GPM6A: variants seen among roughly 807,000 people sequenced by gnomAD.
GPM6A encodes the protein glycoprotein M6A.
Under a neutral mutation model 32.1 loss-of-function variants are expected in GPM6A, and 7 were observed. That is an observed-to-expected ratio of 0.22 (90% CI 0.12 to 0.41). The LOEUF is 0.41. Ranked by LOEUF, GPM6A falls within the 10% of genes least tolerant of loss-of-function variation. The pLI is 1.00. For missense variants in GPM6A, 235 were observed against 347.2 expected (o/e 0.68, Z 2.57); for synonymous variants, 130 against 123.4 (o/e 1.05, Z -0.35).
At chr4:175,708,006 C>T (rs1437802065) in intron 1 of GPM6A, among the ~76,000 whole-genome samples, 1 of 152,104 alleles carries the variant, frequency 6.6e-6, no homozygotes, top group Non-Finnish European at 1.5e-5. Context: ...ATTTGTCATG[C>T]TAACTTTGTT....
chr4:175,694,400 T>C (rs762676410), intron 2 of GPM6A, among the ~76,000 whole-genome samples: 1 of 152,170 alleles, frequency 6.6e-6, no homozygotes, highest in Non-Finnish European at 1.5e-5. Flanking sequence ...TTATGTACAG[T>C]GAAGTCTAGG....
intron 1 of GPM6A, among the ~76,000 whole-genome samples, chr4:175,827,832 C>T (rs868596749): frequency 3.3e-5 from 5 of 152,110 alleles, no homozygotes; most frequent in South Asian, 4.1e-4. Flanking sequence ...AAATGCATTC[C>T]GCACAAATTT....
At chr4:175,938,047 T>C (rs1191506912) in intron 1 of GPM6A, among the ~76,000 whole-genome samples, 1 of 152,180 alleles carries the variant, frequency 6.6e-6, no homozygotes, top group Non-Finnish European at 1.5e-5. Flanking sequence ...TAACTTTCTA[T>C]ATCTTAGGCT....
intron 1 of GPM6A, among the ~76,000 whole-genome samples, chr4:175,756,620 T>C (rs1732537147): frequency 6.6e-6 from 1 of 152,100 alleles, no homozygotes; most frequent in African/African-American, 2.4e-5. Context: ...GAGCTGTCAC[T>C]GGGACGTAAA....
At chr4:175,869,423 A>G (rs1244772104) in intron 1 of GPM6A, among the ~76,000 whole-genome samples, 1 of 152,160 alleles carries the variant, frequency 6.6e-6, no homozygotes, top group Admixed American at 6.5e-5. Context: ...GAAGTAAGTT[A>G]ATCACTTACA....
chr4:175,847,057 A>G (rs1736113960), intron 1 of GPM6A, among the ~76,000 whole-genome samples: 1 of 152,178 alleles, frequency 6.6e-6, no homozygotes, highest in Non-Finnish European at 1.5e-5. Flanking sequence ...CATATAGAAA[A>G]AGAAGTAATG....
chr4:176,000,827 A>G (rs1741453152), intron 1 of GPM6A, among the ~76,000 whole-genome samples: 1 of 152,166 alleles, frequency 6.6e-6, no homozygotes, highest in African/African-American at 2.4e-5. Flanking sequence ...CTTAACAACC[A>G]AATAAAAAAA....
intron 6 of GPM6A, among the ~76,000 whole-genome samples, chr4:175,635,330 G>A (rs1203964198): frequency 6.6e-6 from 1 of 151,964 alleles, no homozygotes. Flanking sequence ...AGTCTTTATA[G>A]GATGTTTCCT....
intron 2 of GPM6A, among the ~76,000 whole-genome samples, chr4:175,678,394 G>A (rs1284365674): frequency 6.6e-6 from 1 of 152,110 alleles, no homozygotes; most frequent in Non-Finnish European, 1.5e-5. Flanking sequence ...AGTACGACTA[G>A]AATGGATAGG....
intron 1 of GPM6A, among the ~76,000 whole-genome samples, chr4:175,771,416 A>G (rs932968448): frequency 5.9e-5 from 9 of 152,028 alleles, no homozygotes; most frequent in African/African-American, 2.2e-4. Context: ...TACTAAAAAT[A>G]CAAAAATTAG....
chr4:175,842,041 T>C (rs568073561), intron 1 of GPM6A, among the ~76,000 whole-genome samples: 1 of 152,296 alleles, frequency 6.6e-6, no homozygotes, highest in South Asian at 2.1e-4. Flanking sequence ...TGATGTGAGA[T>C]AGATTTACAT....
At chr4:175,754,223 G>A (rs1732444462) in intron 1 of GPM6A, among the ~76,000 whole-genome samples, 1 of 152,124 alleles carries the variant, frequency 6.6e-6, no homozygotes, top group African/African-American at 2.4e-5. Context: ...GCATGGGTAT[G>A]TGCCTGGCTG....
chr4:175,992,180 CTAAT>C (rs779052974), intron 1 of GPM6A, among the ~76,000 whole-genome samples: 120 of 152,114 alleles, frequency 7.9e-4, no homozygotes, highest in Non-Finnish European at 1.5e-3. Flanking sequence ...AGTTCCCTCA[CTAAT>C]TAATAACATA....
At chr4:175,770,509 A>C (rs1272521652) in intron 1 of GPM6A, among the ~76,000 whole-genome samples, 2 of 152,168 alleles carry the variant, frequency 1.3e-5, no homozygotes, top group Non-Finnish European at 2.9e-5. Context: ...TTTCAGGCTT[A>C]TAACTTCCAT....
chr4:175,749,405 G>T (rs558519446), intron 1 of GPM6A, among the ~76,000 whole-genome samples: 1 of 152,254 alleles, frequency 6.6e-6, no homozygotes, highest in East Asian at 1.9e-4. Context: ...TAACAGACTT[G>T]CTGGACACGG....
At chr4:175,650,627 G>A (rs574560759) in intron 4 of GPM6A, among the ~76,000 whole-genome samples, 11 of 152,026 alleles carry the variant, frequency 7.2e-5, no homozygotes, top group African/African-American at 1.2e-4. Flanking sequence ...TATTAAATGC[G>A]AACTAGTGTA....
intron 1 of GPM6A, among the ~76,000 whole-genome samples, chr4:175,884,729 T>TGAC (rs1211716512): frequency 1.1e-4 from 17 of 151,982 alleles, no homozygotes; most frequent in Non-Finnish European, 2.4e-4. Context: ...AGACAGGGTT[T>TGAC]CACCATGTTG....
chr4:175,802,667 C>A (rs1734517708), intron 1 of GPM6A, among the ~76,000 whole-genome samples: 1 of 151,960 alleles, frequency 6.6e-6, no homozygotes, highest in African/African-American at 2.4e-5. Flanking sequence ...ATTTTGTTTT[C>A]TTTGATCAAT....
chr4:175,657,496 G>A (rs1484495069), intron 3 of GPM6A, among the ~76,000 whole-genome samples: 1 of 152,160 alleles, frequency 6.6e-6, no homozygotes, highest in African/African-American at 2.4e-5. Context: ...AGGAGTACAT[G>A]TGTTGTGAAG....
Sources: gnomAD v4.1 joint callset for allele counts (sites outside exome capture counted in the v4.1 genomes callset) on GRCh38, gnomAD v4.1.1 for gene constraint, MANE v1.5 for transcripts, NCBI Gene and HGNC (gene_info 2026-07-23, HGNC 2026-07-21) for gene names.